The following DCAF1 variants were observed in gnomAD, a reference collection of about 807,000 sequenced individuals.
DCAF1 encodes the protein DDB1- and CUL4-associated factor 1.
DCAF1 carries 15 observed loss-of-function variants against 128.0 expected under a neutral mutation model. The observed-to-expected ratio is 0.12, with a 90% CI of 0.08 to 0.18. DCAF1 has a LOEUF of 0.18. DCAF1 is among the 10% of genes least tolerant of loss of function. The probability of loss-of-function intolerance (pLI) is 1.00; values close to 1 mark genes in which losing one functional copy is unlikely to be tolerated. For synonymous variants in DCAF1, 610 were observed against 603.0 expected (o/e 1.01, Z -0.17); for missense variants, 988 against 1,649.5 (o/e 0.60, Z 6.95).
At chr3:51,430,732 C>T (rs560569769) in intron 10 of DCAF1, among the ~76,000 whole-genome samples, 3 of 152,264 alleles carry the variant, frequency 2.0e-5, no homozygotes, top group African/African-American at 7.2e-5. Flanking sequence ...TATGTACACA[C>T]ATAGATTAGT....
At chr3:51,497,001 T>C (rs1708298311) in intron 1 of DCAF1, among the ~76,000 whole-genome samples, 1 of 152,158 alleles carries the variant, frequency 6.6e-6, no homozygotes, top group Non-Finnish European at 1.5e-5. Flanking sequence ...TGGCATAATA[T>C]TAACAACTGT....
chr3:51,413,018 T>C lies in DCAF1; in HGVS notation c.4085A>G (p.Lys1362Arg), dbSNP rs1553629003. ...RNIFDLCTDTKDCYLAVIENQ... is the reference protein window; with the variant it reads ...RNIFDLCTDTRDCYLAVIENQ... ...CTCAATGACAGCAAGATAGCAGTCT[T>C]TGGTGTCTGTACACAGGTCAAAGAT... The change falls in exon 22 of 25, where the codon AAA (lysine) becomes AGA (arginine). Residue 1362 changes from lysine (K) to arginine (R), a missense_variant. Coordinates refer to ENST00000684031, the MANE Select transcript of DCAF1 (RefSeq NM_001387579.1). 8 of 1,613,872 alleles carry C rather than the reference T, an allele frequency of 5.0e-6. No homozygotes were observed. Among genetic ancestry groups the C allele is most frequent in the South Asian group, 1.1e-5 (1 of 91,078 alleles).
chr3:51,398,921 G>A (rs1024424082), intron 24 of DCAF1, 94 bp from the exon 25 acceptor site: 68 of 1,472,590 alleles, frequency 4.6e-5, no homozygotes, highest in Middle Eastern at 3.5e-4. Flanking sequence ...ATTCATGCCC[G>A]AGCAAGGTTA....
chr3:51,400,079 A>G (rs2089539489), intron 24 of DCAF1, among the ~76,000 whole-genome samples: 1 of 152,260 alleles, frequency 6.6e-6, no homozygotes, highest in South Asian at 2.1e-4. Flanking sequence ...GTCTGGAAGT[A>G]AGCAAAAGAA....
intron 6 of DCAF1, among the ~76,000 whole-genome samples, chr3:51,450,511 C>T (rs538510899): frequency 6.6e-6 from 1 of 152,048 alleles, no homozygotes; most frequent in East Asian, 1.9e-4. Context: ...CAAGTCAATA[C>T]CCTGTAATGA....
At chr3:51,434,939 C>A (rs1205725209) in intron 9 of DCAF1, among the ~76,000 whole-genome samples, 1 of 151,972 alleles carries the variant, frequency 6.6e-6, no homozygotes, top group Non-Finnish European at 1.5e-5. Context: ...GTTTCCCATG[C>A]CAAGGTGTCT....
intron 2 of DCAF1, among the ~76,000 whole-genome samples, chr3:51,486,636 T>C (rs1559574733): frequency 6.6e-6 from 1 of 152,070 alleles, no homozygotes; most frequent in Non-Finnish European, 1.5e-5. Flanking sequence ...GTTGTTATTT[T>C]TATTTTTATT....
At chr3:51,469,388 G>A (rs1553647653) in intron 4 of DCAF1, among the ~76,000 whole-genome samples, 1 of 151,858 alleles carries the variant, frequency 6.6e-6, no homozygotes, top group Non-Finnish European at 1.5e-5. Context: ...GCGCCATCAT[G>A]TCTGGCTAAT....
chr3:51,407,486 G>A (rs1401963839), intron 23 of DCAF1, among the ~76,000 whole-genome samples: 1 of 152,182 alleles, frequency 6.6e-6, no homozygotes, highest in East Asian at 1.9e-4. Flanking sequence ...AGGAAGCACA[G>A]CACACAGTGT....
chr3:51,396,949 T>C (rs1484925749), downstream of DCAF1: 3 of 166,980 alleles, frequency 1.8e-5, no homozygotes, highest in Non-Finnish European at 2.9e-5. Context: ...AAGAGCTGAG[T>C]GAGTCCTCTG....
chr3:51,466,159 G>T (rs1337758780), intron 5 of DCAF1, among the ~76,000 whole-genome samples: 2 of 152,154 alleles, frequency 1.3e-5, no homozygotes, highest in South Asian at 2.1e-4. Flanking sequence ...CCAAGATTGT[G>T]CCACTGCATT....
rs528542980 is a variant in DCAF1, at chr3:51,403,342, A to T, written c.4266T>A (p.Asp1422Glu). The change falls in exon 24 of 25, where the codon GAT becomes GAA. Residue 1422 changes from aspartate to glutamate, a missense_variant. By Grantham distance (45) the Asp-to-Glu change is conservative. Coordinates refer to ENST00000684031, the MANE Select transcript of DCAF1 (RefSeq NM_001387579.1). ...EDDDEDDDDT[D>E]DLDELDTDQL... ...GGTCAGTGTCAAGCTCATCTAAATC[A>T]TCGGTGTCATCATCATCTTCATCAT... The T allele has an allele frequency of 7.8e-5, 122 of 1,557,122 alleles. No individual in the cohort carries two copies. Among genetic ancestry groups the T allele is most frequent in the Admixed American group, 1.4e-4 (7 of 51,346 alleles).
At chr3:51,477,919 C>T (rs781912501) in intron 3 of DCAF1, among the ~76,000 whole-genome samples, 9 of 151,358 alleles carry the variant, frequency 5.9e-5, no homozygotes, top group South Asian at 4.2e-4. Flanking sequence ...TATATATATA[C>T]ACACACACAC....
chr3:51,482,229 G>A (rs1264274509), intron 3 of DCAF1, among the ~76,000 whole-genome samples: 2 of 151,734 alleles, frequency 1.3e-5, no homozygotes, highest in African/African-American at 2.4e-5. Context: ...AGGATTGCTT[G>A]AGCCCAGATG....
intron 2 of DCAF1, among the ~76,000 whole-genome samples, chr3:51,494,162 T>A (rs1707980375): frequency 6.8e-6 from 1 of 146,302 alleles, no homozygotes; most frequent in Non-Finnish European, 1.5e-5. Context: ...GCCCAGAGAC[T>A]GGAGTGCAGT....
chr3:51,396,014 G>GGTCTT (rs1227836949), downstream of DCAF1: 45 of 412,684 alleles, frequency 1.1e-4, no homozygotes, highest in Middle Eastern at 6.2e-4. Context: ...AACAGGAGTG[G>GGTCTT]GTCTTGTCCT....
chr3:51,491,165 T>C (rs1707595689), intron 2 of DCAF1, among the ~76,000 whole-genome samples: 1 of 151,178 alleles, frequency 6.6e-6, no homozygotes, highest in Admixed American at 6.6e-5. Context: ...CTGGCCAATA[T>C]GGTGAAACCC....
At chr3:51,472,383 T>A (rs1474434466) in intron 3 of DCAF1, among the ~76,000 whole-genome samples, 2 of 150,308 alleles carry the variant, frequency 1.3e-5, no homozygotes, top group Admixed American at 7.2e-5. Flanking sequence ...GAATTTGTTT[T>A]TTTTCTTGTA....
chr3:51,425,289 G>A (rs2107467207), intron 13 of DCAF1, among the ~76,000 whole-genome samples: 1 of 152,100 alleles, frequency 6.6e-6, no homozygotes, highest in South Asian at 2.1e-4. Flanking sequence ...TGGCCAACAT[G>A]GCAAAACCCC....
Sources: gnomAD v4.1 joint callset for allele counts (sites outside exome capture counted in the v4.1 genomes callset) on GRCh38, gnomAD v4.1.1 for gene constraint, MANE v1.5 for transcripts, NCBI Gene and HGNC (gene_info 2026-07-23, HGNC 2026-07-21) for gene names.